Variants in GAB1 observed in about 807,000 individuals in gnomAD.
GAB1 encodes the protein GRB2 associated binding protein 1.
A neutral mutation model predicts 66.5 loss-of-function variants in GAB1; 19 were observed. The observed-to-expected ratio is 0.29, with a 90% CI of 0.20 to 0.42. The LOEUF is 0.42. GAB1 is among the 10% of genes least tolerant of loss of function. The pLI is 1.00. For synonymous variants in GAB1, 294 were observed against 301.4 expected (o/e 0.98, Z 0.25); for missense variants, 732 against 858.5 (o/e 0.85, Z 1.84).
intron 1 of GAB1, among the ~76,000 whole-genome samples, chr4:143,401,240 C>T (rs533938176): frequency 6.6e-6 from 1 of 152,070 alleles, no homozygotes; most frequent in Non-Finnish European, 1.5e-5. Flanking sequence ...GGTTACAATG[C>T]TTAACATAAA....
At chr4:143,339,641 TCTTTGC>T (rs1285376987) in intron 1 of GAB1, among the ~76,000 whole-genome samples, 1 of 152,224 alleles carries the variant, frequency 6.6e-6, no homozygotes, top group Non-Finnish European at 1.5e-5. Context: ...TAAGACCTAG[TCTTTGC>T]CTTTAAGTAG....
At chr4:143,357,971 G>A (rs1038827752) in intron 1 of GAB1, among the ~76,000 whole-genome samples, 1 of 151,942 alleles carries the variant, frequency 6.6e-6, no homozygotes, top group African/African-American at 2.4e-5. Context: ...AAGGGAAAGA[G>A]GATGCAACTA....
intron 1 of GAB1, among the ~76,000 whole-genome samples, chr4:143,369,985 A>G (rs1211933904): frequency 6.6e-6 from 1 of 152,260 alleles, no homozygotes; most frequent in African/African-American, 2.4e-5. Context: ...AGTTCTCCAA[A>G]ACCTAGTGTG....
chr4:143,358,338 C>T (rs1377570716), intron 1 of GAB1, among the ~76,000 whole-genome samples: 4 of 152,156 alleles, frequency 2.6e-5, no homozygotes, highest in South Asian at 2.1e-4. Flanking sequence ...AATTTATAGG[C>T]GATTGTAATC....
At chr4:143,404,023 A>G (rs1026715320) in intron 1 of GAB1, among the ~76,000 whole-genome samples, 2 of 152,204 alleles carry the variant, frequency 1.3e-5, no homozygotes, top group African/African-American at 4.8e-5. Flanking sequence ...TTAATGTGAA[A>G]GTGTTGTTTT....
At chr4:143,354,186 C>T (rs1729349439) in intron 1 of GAB1, among the ~76,000 whole-genome samples, 2 of 152,192 alleles carry the variant, frequency 1.3e-5, no homozygotes. Flanking sequence ...CTCTTCATTT[C>T]AGGTGACCTT....
rs1047938113 is a variant in GAB1, at chr4:143,355,961, A to G, written c.72+18701A>G. ...CGAGGTGTTGAGATTTTTTTTGGGA[A>G]CCAGTGCTTTCTGTTCTGCTGAACA... On this transcript the variant is annotated intron_variant, in intron 1 of 9. Transcript: ENST00000262994. Among the ~76,000 whole-genome samples the G allele has an allele frequency of 2.6e-5, 4 of 151,980 alleles. No individual in the cohort carries two copies. In the East Asian group the frequency reaches 7.7e-4, roughly 29 times the overall value.
chr4:143,394,238 C>T (rs1731327195), intron 1 of GAB1, among the ~76,000 whole-genome samples: 1 of 151,918 alleles, frequency 6.6e-6, no homozygotes, highest in Non-Finnish European at 1.5e-5. Flanking sequence ...CGTGCTACTG[C>T]ACTCCATCCA....
At chr4:143,349,315 GAGA>G (rs1729098479) in intron 1 of GAB1, 3 of 1,234,626 alleles carry the variant, frequency 2.4e-6, no homozygotes, top group Non-Finnish European at 3.4e-6. Context: ...CCGCTGCATG[GAGA>G]CTCTGGTGTG....
chr4:143,393,438 G>C (rs1178309893), intron 1 of GAB1, among the ~76,000 whole-genome samples: 1 of 152,100 alleles, frequency 6.6e-6, no homozygotes, highest in African/African-American at 2.4e-5. Context: ...TTTCCAGTAT[G>C]ACCTAGTCAA....
At position 143,415,588 on chromosome 4, in the gene GAB1, T is replaced by A; in HGVS notation, c.184T>A (p.Leu62Ile). 1 of 1,613,934 alleles carries A rather than the reference T, an allele frequency of 6.2e-7. No homozygotes were observed. The highest frequency in any genetic ancestry group is 8.5e-7 in the Non-Finnish European group (1 of 1,179,790). The change falls in exon 2 of 10, where the codon TTA becomes ATA. Residue 62 changes from leucine (L) to isoleucine (I), a missense_variant. By Grantham distance (5) the Leu-to-Ile change is conservative. Coordinates refer to ENST00000262994, the MANE Select transcript of GAB1 (RefSeq NM_002039.4). ...CAAGAAGCCTATTCGTATTATTGAT[T>A]TAAATTTATGTCAACAAGTAGATGC... is the stretch of plus-strand genomic sequence containing the variant. ...HAKKPIRIIDLNLCQQVDAGL... is the reference protein window; with the variant it reads ...HAKKPIRIIDINLCQQVDAGL...
At chr4:143,457,616 ACAGAATCCATTTTCCAATT>A in intron 6 of GAB1, 7 of 329,574 alleles carry the variant, frequency 2.1e-5, no homozygotes, top group Non-Finnish European at 2.8e-5. Context: ...TTTTTTTTTT[ACAGAATCCATTTTCCAATT>A]AATAAATAAC....
At position 143,437,876 on chromosome 4, in the gene GAB1, G is replaced by A. The variant is rs1009145813; in HGVS notation, c.594-123G>A. On this transcript the variant is annotated intron_variant, in intron 3 of 9. Transcript: ENST00000262994. ...GAACATTTGTGCTTTAAATCCTATGGATCACACAAAAAATCTAATGAGAAA... is the reference window on the plus strand; with the variant it reads ...GAACATTTGTGCTTTAAATCCTATGAATCACACAAAAAATCTAATGAGAAA... 5 of 952,886 alleles carry A rather than the reference G, an allele frequency of 5.2e-6. No homozygotes were observed. The African/African-American group carries it at 6.6e-5, about 13-fold the overall frequency. 59.0% of individuals were successfully genotyped at this position (952,886 alleles called of 1,614,324 possible).
At chr4:143,361,660 T>C (rs1056531380) in intron 1 of GAB1, among the ~76,000 whole-genome samples, 6 of 152,162 alleles carry the variant, frequency 3.9e-5, no homozygotes, top group South Asian at 4.1e-4. Flanking sequence ...TCATAGGCCC[T>C]GCATCTTGCA....
intron 3 of GAB1, among the ~76,000 whole-genome samples, chr4:143,434,738 T>C (rs1414427091): frequency 1.3e-5 from 2 of 152,180 alleles, no homozygotes; most frequent in African/African-American, 4.8e-5. Context: ...TCCCAAATTC[T>C]TGGTTTCTCT....
chr4:143,434,161 C>A (rs764682712), intron 3 of GAB1: 1 of 1,282,790 alleles, frequency 7.8e-7, no homozygotes, highest in South Asian at 1.2e-5. Context: ...CAAAACGATT[C>A]CATTGCAGTG....
chr4:143,401,291 T>A (rs930292618), intron 1 of GAB1, among the ~76,000 whole-genome samples: 12 of 152,200 alleles, frequency 7.9e-5, no homozygotes, highest in Admixed American at 6.5e-4. Flanking sequence ...AAATTATTCA[T>A]CTGTTAGATC....
In GAB1 at chr4:143,438,129, T is replaced by C; in HGVS notation, c.724T>C (p.Tyr242His). The stretch of plus-strand genomic sequence containing the variant: ...TGGCTTTTTTCAGCAGCAAATGATA[T>C]ACGACTCTCCACCTTCACGTGCCCC... ...MNGFFQQQMI[Y>H]DSPPSRAPSA... The change falls in exon 4 of 10, where the codon TAC becomes CAC. Residue 242 changes from tyrosine to histidine, a missense_variant. Physicochemically the swap from Tyr to His is moderately conservative, Grantham distance 83 (BLOSUM62 2). This residue lies in a region of GAB1 where 427 missense variants were observed against 420.6 expected (regional missense o/e 1.02). Transcript: ENST00000262994. 6.2e-7 allele frequency: 1 copy of C among 1,614,098 alleles called. No individual in the cohort carries two copies. Among genetic ancestry groups the C allele is most frequent in the Non-Finnish European group, 8.5e-7 (1 of 1,180,016 alleles).
chr4:143,343,371 T>A (rs1198671471), intron 1 of GAB1: 1 of 153,756 alleles, frequency 6.5e-6, no homozygotes, highest in Non-Finnish European at 1.5e-5. Context: ...GGACTCTTGG[T>A]TTTTAACTGA....
Sources: gnomAD v4.1 joint callset for allele counts (sites outside exome capture counted in the v4.1 genomes callset) on GRCh38, gnomAD v4.1.1 for gene constraint, gnomAD v4.1.1 regional missense constraint, MANE v1.5 for transcripts, NCBI Gene and HGNC (gene_info 2026-07-23, HGNC 2026-07-21) for gene names.